Variants in UBE2QL1 observed in about 807,000 individuals in gnomAD.
UBE2QL1 encodes the protein ubiquitin-conjugating enzyme E2Q-like protein 1.
Under a neutral mutation model 12.6 loss-of-function variants are expected in UBE2QL1, and 5 were observed. The observed-to-expected ratio is 0.40, with a 90% CI of 0.21 to 0.83. The LOEUF (loss-of-function observed/expected upper bound fraction) is 0.83, where lower values mean the gene tolerates loss of function less well. UBE2QL1 is among the 40% of genes least tolerant of loss of function. The probability of loss-of-function intolerance (pLI) is 0.37; values close to 1 mark genes in which losing one functional copy is unlikely to be tolerated. For missense variants in UBE2QL1, 99 were observed against 222.6 expected, an observed-to-expected ratio of 0.44 and a Z score of 3.53; for synonymous variants, 96 against 94.5, an observed-to-expected ratio of 1.02 and a Z score of -0.10.
chr5:6,484,972 A>G (rs1057197426), intron 1 of UBE2QL1, among the ~76,000 whole-genome samples: 2 of 152,034 alleles, frequency 1.3e-5, no homozygotes, highest in Admixed American at 6.6e-5. Flanking sequence ...ATTCCACAGC[A>G]GGGAGGCTCA....
intron 1 of UBE2QL1, among the ~76,000 whole-genome samples, chr5:6,473,061 T>C (rs1245655397): frequency 6.6e-6 from 1 of 152,226 alleles, no homozygotes; most frequent in Non-Finnish European, 1.5e-5. Context: ...CAGTCCCATG[T>C]AAATACAATT....
chr5:6,475,419 A>C lies in UBE2QL1; in HGVS notation c.355-15799A>C, dbSNP rs891296355. On this transcript the variant is annotated intron_variant, in intron 1 of 1. Coordinates refer to ENST00000399816, the MANE Select transcript of UBE2QL1 (RefSeq NM_001145161.3). ...CAGAGATCCCGAATTTGCTTTGTCT[A>C]CACTGACTAAGCTATCTTATGCCGT... Among the ~76,000 whole-genome samples the C allele has an allele frequency of 4.9e-5, 3 of 61,072 alleles. No homozygotes were observed. The East Asian group carries it at 3.6e-3, about 74-fold the overall frequency. 40.1% of individuals were successfully genotyped at this position (61,072 alleles called of 152,430 possible). A position where few individuals can be genotyped will look rare whatever the true frequency, so the allele number is the denominator to read the frequency against.
intron 1 of UBE2QL1, among the ~76,000 whole-genome samples, chr5:6,465,179 G>A (rs1214661685): frequency 6.6e-6 from 1 of 151,940 alleles, no homozygotes; most frequent in Non-Finnish European, 1.5e-5. Flanking sequence ...TAGAGATGGG[G>A]TTTCACCACA....
At position 6,449,166 on chromosome 5, in the gene UBE2QL1, G is replaced by A. The variant is rs1579283041; in HGVS notation, c.273G>A (p.Leu91=). The A allele has an allele frequency of 1.3e-6, 2 of 1,529,338 alleles. No homozygotes were observed. The allele number at this position is 1,529,338 out of a possible 1,614,324, so 94.7% of individuals were successfully genotyped here. A position where few individuals can be genotyped will look rare whatever the true frequency, so the allele number is the denominator to read the frequency against. Residue 91 remains leucine (L), a synonymous_variant, in exon 1 of 2, where the codon CTG becomes CTA. Coordinates refer to ENST00000399816, the MANE Select transcript of UBE2QL1 (RefSeq NM_001145161.3). Reference sequence around the variant, plus strand: ...ACGGCGGCGCCATCTGCATGGAGCTGCTCACGCCGCGCGGCTGGTCCAGCG... The same window carrying A: ...ACGGCGGCGCCATCTGCATGGAGCTACTCACGCCGCGCGGCTGGTCCAGCG... ...VLDGGAICME[L]LTPRGWSSAY...
intron 1 of UBE2QL1, among the ~76,000 whole-genome samples, chr5:6,449,530 T>C (rs1739369604): frequency 6.6e-6 from 1 of 152,074 alleles, no homozygotes; most frequent in Non-Finnish European, 1.5e-5. Flanking sequence ...CTCTGGTCTC[T>C]CTAGCTTGCT....
intron 1 of UBE2QL1, among the ~76,000 whole-genome samples, chr5:6,450,634 T>A (rs1162094494): frequency 3.9e-5 from 6 of 152,188 alleles, no homozygotes; most frequent in Admixed American, 1.3e-4. Context: ...TCTTTCACAC[T>A]AATCAAATAA....
intron 1 of UBE2QL1, among the ~76,000 whole-genome samples, chr5:6,473,910 C>A (rs1734155590): frequency 6.6e-6 from 1 of 151,674 alleles, no homozygotes; most frequent in Admixed American, 6.6e-5. Context: ...ATTAACTTTT[C>A]CATTACTAGG....
Position 6,493,487 on chromosome 5 carries a change from T to C in UBE2QL1, c.*2138T>C, listed in dbSNP as rs1375670132. On this transcript the variant is annotated 3_prime_UTR_variant, in exon 2 of 2. Coordinates refer to ENST00000399816, the MANE Select transcript of UBE2QL1 (RefSeq NM_001145161.3). ...GCTCTCTGAGAACTGCACCAAGGGG[T>C]GCAGCCAAGAGACTGGTCTGACCCC... 1 of 151,938 alleles carries C rather than the reference T, an allele frequency of 6.6e-6. No individual in the cohort carries two copies. Among genetic ancestry groups the C allele is most frequent in the Non-Finnish European group, 1.5e-5 (1 of 67,978 alleles). 9.4% of individuals were successfully genotyped at this position (151,938 alleles called of 1,614,324 possible).
At chr5:6,468,097 T>C (rs1023241029) in intron 1 of UBE2QL1, among the ~76,000 whole-genome samples, 32 of 152,146 alleles carry the variant, frequency 2.1e-4, no homozygotes, top group Non-Finnish European at 4.6e-4. Flanking sequence ...TTGTCTCACT[T>C]TACCTTTCAC....
At position 6,495,791 on chromosome 5, in the gene UBE2QL1, C is replaced by G. The variant is rs138202573; in HGVS notation, c.*4442C>G. Among the ~76,000 whole-genome samples, 8 of 152,316 alleles carry G rather than the reference C, an allele frequency of 5.3e-5. No homozygotes were observed. The East Asian group carries it at 1.5e-3, about 29-fold the overall frequency. ...TTTTTTTCTCCAAAGACAGTGAAAT[C>G]ATGTACAGCTCTGTTCTTAGTTTTC... is the stretch of plus-strand genomic sequence containing the variant. On this transcript the variant is annotated 3_prime_UTR_variant, in exon 2 of 2. Coordinates refer to ENST00000399816, the MANE Select transcript of UBE2QL1 (RefSeq NM_001145161.3).
In UBE2QL1 at chr5:6,495,068, AAGG is replaced by A. The variant is rs1734642929; in HGVS notation, c.*3722_*3724del. 6.6e-6 allele frequency among the ~76,000 whole-genome samples: 1 copy of A among 152,150 alleles called. No individual in the cohort carries two copies. The highest frequency in any genetic ancestry group is 2.4e-5 in the African/African-American group (1 of 41,426). ...GTTTGAGCCATGGCTGGGCAAAGGG[AAGG>A]AGAAGGGCAGGTGTAGCAGGTGTAG... On this transcript the variant is annotated 3_prime_UTR_variant, in exon 2 of 2. Transcript: ENST00000399816.
rs1734289703 is a variant in UBE2QL1 at position 6,478,752 on chromosome 5, C to T, written c.355-12466C>T. On this transcript the variant is annotated intron_variant, in intron 1 of 1. Transcript: ENST00000399816. This position sits in a 1 kb window ranked among gnomAD's most constrained non-coding sequence, Gnocchi z 4.5. ...CTGATCACCCAATGGCACGGGTGAT[C>T]AAAGCCACAGCAGACCACAGGCAAG... Among the ~76,000 whole-genome samples the T allele has an allele frequency of 6.6e-6, 1 of 152,020 alleles. No individual in the cohort carries two copies. Among genetic ancestry groups the T allele is most frequent in the Non-Finnish European group, 1.5e-5 (1 of 68,004 alleles).
chr5:6,472,200 C>G (rs1211024645), intron 1 of UBE2QL1, among the ~76,000 whole-genome samples: 2 of 152,116 alleles, frequency 1.3e-5, no homozygotes, highest in African/African-American at 2.4e-5. Context: ...GCATATTTTT[C>G]CAAGATGTGA....
chr5:6,474,920 C>T (rs1046171072), intron 1 of UBE2QL1, among the ~76,000 whole-genome samples: 2 of 152,234 alleles, frequency 1.3e-5, no homozygotes, highest in Non-Finnish European at 2.9e-5. Context: ...CAGTTTACAT[C>T]TGTGCTTCCG....
intron 1 of UBE2QL1, among the ~76,000 whole-genome samples, chr5:6,465,964 C>T (rs915345963): frequency 5.9e-5 from 9 of 152,170 alleles, no homozygotes; most frequent in Admixed American, 5.2e-4. Flanking sequence ...GCCTGTCTCC[C>T]TCTGCTGCCC....
In UBE2QL1 at chr5:6,449,007, G is replaced by C. The variant is rs370058439; in HGVS notation, c.114G>C (p.Ser38=). The part of the protein sequence containing the change: ...NVKLHQVDKD[S]VLWQDMKETN... ...AGCTGCACCAGGTGGACAAGGACTC[G>C]GTGCTGTGGCAGGACATGAAGGAGA... Residue 38 remains serine, a synonymous_variant, in exon 1 of 2, where the codon TCG becomes TCC. Coordinates refer to ENST00000399816, the MANE Select transcript of UBE2QL1 (RefSeq NM_001145161.3). 7.4e-5 allele frequency: 115 copies of C among 1,549,394 alleles called. No individual in the cohort carries two copies. The highest frequency in any genetic ancestry group is 3.3e-5 in the Non-Finnish European group (38 of 1,146,092).
chr5:6,461,663 A>T (rs1324237278), intron 1 of UBE2QL1, among the ~76,000 whole-genome samples: 1 of 151,858 alleles, frequency 6.6e-6, no homozygotes, highest in Non-Finnish European at 1.5e-5. Flanking sequence ...CTACTGATCT[A>T]GGTTTGTAAT....
At chr5:6,484,524 C>T (rs1304124536) in intron 1 of UBE2QL1, among the ~76,000 whole-genome samples, 1 of 152,198 alleles carries the variant, frequency 6.6e-6, no homozygotes, top group East Asian at 1.9e-4. Flanking sequence ...CAGTTTCCTA[C>T]TCGTTGCAAA....
At chr5:6,470,965 C>T (rs1739901903) in intron 1 of UBE2QL1, among the ~76,000 whole-genome samples, 1 of 152,202 alleles carries the variant, frequency 6.6e-6, no homozygotes. Context: ...GCCTCTCCAA[C>T]CCTGATGATT....
Sources: gnomAD v4.1 joint callset for allele counts (sites outside exome capture counted in the v4.1 genomes callset) on GRCh38, gnomAD v4.1.1 for gene constraint, Gnocchi (gnomAD v3.1) non-coding constraint, MANE v1.5 for transcripts, NCBI Gene and HGNC (gene_info 2026-07-23, HGNC 2026-07-21) for gene names.